WIPI1: variants seen among roughly 807,000 people sequenced by gnomAD.
WIPI1 encodes the protein WD repeat domain, phosphoinositide interacting 1.
WIPI1 carries 45 observed loss-of-function variants against 55.3 expected under a neutral mutation model. That is an observed-to-expected ratio of 0.81 (90% CI 0.64 to 1.04). The LOEUF is 1.04. Among genes scored for constraint, WIPI1 ranks in the 50% least tolerant of loss-of-function variants. WIPI1 has a pLI of 0.00. For missense variants in WIPI1, 445 were observed against 559.0 expected (o/e 0.80, Z 2.06); for synonymous variants, 195 against 217.6 (o/e 0.90, Z 0.92).
Position 68,430,010 on chromosome 17 carries a change from G to A in WIPI1, c.951C>T (p.Ile317=). ...ATTGTACGTACGTTGAGAGGGTACA[G>A]ATGTTCCTCTGTCCGGAGAAGTTCA... The part of the protein sequence containing the change: ...ARLNFSGQRN[I]CTLSTIQKLP... Residue 317 remains isoleucine (I), a synonymous_variant, in exon 9 of 13, where the codon ATC becomes ATT. Transcript: ENST00000262139. The A allele has an allele frequency of 6.2e-7, 1 of 1,614,210 alleles. No individual in the cohort carries two copies. Among genetic ancestry groups the A allele is most frequent in the Non-Finnish European group, 8.5e-7 (1 of 1,180,036 alleles).
At chr17:68,431,096 G>A (rs983254054) in intron 8 of WIPI1, among the ~76,000 whole-genome samples, 14 of 152,138 alleles carry the variant, frequency 9.2e-5, no homozygotes, top group South Asian at 2.1e-4. Context: ...CCTGTGCTCC[G>A]GGCTGGGGTT....
At chr17:68,437,928 C>T (rs558378823) in intron 4 of WIPI1, among the ~76,000 whole-genome samples, 10 of 109,542 alleles carry the variant, frequency 9.1e-5, no homozygotes, top group African/African-American at 2.8e-4. Flanking sequence ...TTTGAGATCA[C>T]GCAAGAGAGA....
Position 68,426,081 on chromosome 17 carries a change from A to G in WIPI1, c.1287T>C (p.Phe429=), listed in dbSNP as rs929104579. The change falls in exon 12 of 13, where the codon TTT becomes TTC. Residue 429 remains phenylalanine, a synonymous_variant. Coordinates refer to ENST00000262139, the MANE Select transcript of WIPI1 (RefSeq NM_017983.7). ...GPVCLDDENE[F]PPIILCRGNQ... ...ACGGGTTCCTAATGCTCACAGGAGG[A>G]AACTCATTCTCATCATCAAGACACA... is the stretch of plus-strand genomic sequence containing the variant. The G allele has an allele frequency of 6.2e-7, 1 of 1,612,678 alleles. No individual in the cohort carries two copies. Among genetic ancestry groups the G allele is most frequent in the African/African-American group, 1.3e-5 (1 of 74,878 alleles).
chr17:68,434,775 G>T, intron 6 of WIPI1, 149 bp from the exon 7 acceptor site: 1 of 743,000 alleles, frequency 1.3e-6, no homozygotes, highest in Non-Finnish European at 2.2e-6. Flanking sequence ...GTTTATTTAT[G>T]TGCCATATCA....
At chr17:68,438,475 C>T (rs910199960) in intron 4 of WIPI1, among the ~76,000 whole-genome samples, 1 of 152,174 alleles carries the variant, frequency 6.6e-6, no homozygotes, top group Non-Finnish European at 1.5e-5. Flanking sequence ...GTGCTGGGTT[C>T]CCAAAGAGGC....
chr17:68,446,306 G>A (rs567856168), intron 3 of WIPI1, among the ~76,000 whole-genome samples: 5 of 151,906 alleles, frequency 3.3e-5, no homozygotes, highest in African/African-American at 4.8e-5. Flanking sequence ...CCAGCCTCTC[G>A]GGTGGCAGGG....
At chr17:68,429,069 G>A (rs958448247) in intron 9 of WIPI1, 133 bp from the exon 10 acceptor site, 10 of 658,210 alleles carry the variant, frequency 1.5e-5, no homozygotes, top group Admixed American at 1.2e-4. Flanking sequence ...CACTGATCTG[G>A]TCTGGGCTTC....
At chr17:68,450,109 G>A (rs929710343) in intron 3 of WIPI1, among the ~76,000 whole-genome samples, 3 of 152,108 alleles carry the variant, frequency 2.0e-5, no homozygotes, top group South Asian at 4.1e-4. Context: ...TATTTTAAAA[G>A]AGAACATATT....
chr17:68,426,254 G>GGGGGGGGGGCCCCCCCCCCCC, intron 11 of WIPI1, 79 bp from the exon 12 acceptor site: 1 of 816,914 alleles, frequency 1.2e-6, no homozygotes, highest in Non-Finnish European at 1.9e-6. Context: ...GGGAGCGGGG[G>GGGGGGGGGGCCCCCCCCCCCC]CTCAAATAAA....
intron 4 of WIPI1, among the ~76,000 whole-genome samples, chr17:68,437,987 A>G (rs2083901511): frequency 6.8e-6 from 1 of 146,456 alleles, no homozygotes; most frequent in Non-Finnish European, 1.5e-5. Context: ...ACTGGCGTCT[A>G]TTACAAGTTA....
intron 8 of WIPI1, among the ~76,000 whole-genome samples, chr17:68,430,843 C>T (rs1192953961): frequency 6.6e-6 from 1 of 152,188 alleles, no homozygotes; most frequent in Non-Finnish European, 1.5e-5. Context: ...CATATGAGTT[C>T]CCAGGAGCAG....
In WIPI1 at chr17:68,430,673, T is replaced by TAC. The variant is rs1568629272; in HGVS notation, c.801-514_801-513insGT. ...GAGTCACCCAGGTACCCAGCATGTG[T>TAC]AATGATGGAGATCATGCAAAGGGAC... On this transcript the variant is annotated intron_variant, in intron 8 of 12. Transcript: ENST00000262139. Among the ~76,000 whole-genome samples the TAC allele has an allele frequency of 1.5e-3, 224 of 152,292 alleles. 1 individual carries two copies. Among genetic ancestry groups the TAC allele is most frequent in the African/African-American group, 5.2e-3 (218 of 41,566 alleles).
intron 8 of WIPI1, among the ~76,000 whole-genome samples, chr17:68,431,334 G>T (rs1431122215): frequency 1.3e-5 from 2 of 152,084 alleles, no homozygotes; most frequent in African/African-American, 4.8e-5. Context: ...TCCCTGACAG[G>T]GTTGCTGGGA....
chr17:68,453,057 T>TCTATTTGC, intron 1 of WIPI1, 65 bp from the exon 2 acceptor site: 8 of 1,370,564 alleles, frequency 5.8e-6, no homozygotes, highest in Non-Finnish European at 8.3e-6. Context: ...TGTCTGCAAA[T>TCTATTTGC]AGATGCCTTT....
At chr17:68,429,365 A>ACTT (rs1234162250) in intron 9 of WIPI1, among the ~76,000 whole-genome samples, 1 of 152,136 alleles carries the variant, frequency 6.6e-6, no homozygotes, top group Non-Finnish European at 1.5e-5. Context: ...ACTCCTTTAA[A>ACTT]CTTCTTAAAA....
chr17:68,442,738 A>AG (rs2084132680), intron 4 of WIPI1, among the ~76,000 whole-genome samples: 1 of 152,158 alleles, frequency 6.6e-6, no homozygotes, highest in Non-Finnish European at 1.5e-5. Flanking sequence ...TCCTGATCAG[A>AG]AGAGCACATG....
Position 68,423,482 on chromosome 17 carries a change from CAG to C in WIPI1, c.1294-1664_1294-1663del, listed in dbSNP as rs1200731927. Among the ~76,000 whole-genome samples the C allele has an allele frequency of 6.6e-6, 1 of 152,214 alleles. No individual in the cohort carries two copies. The highest frequency in any genetic ancestry group is 1.5e-5 in the Non-Finnish European group (1 of 68,038). On this transcript the variant is annotated intron_variant, in intron 12 of 12. Coordinates refer to ENST00000262139, the MANE Select transcript of WIPI1 (RefSeq NM_017983.7). The surrounding 1 kb of genome is among the most constrained non-coding windows in gnomAD (Gnocchi z 4.4). ...GGCTGCCACGACACAGCCCTGCACA[CAG>C]GGGCTGCTTGACACTCACAAGGGTC...
At chr17:68,446,106 G>A (rs2084273566) in intron 3 of WIPI1, among the ~76,000 whole-genome samples, 1 of 152,088 alleles carries the variant, frequency 6.6e-6, no homozygotes, top group Non-Finnish European at 1.5e-5. Context: ...TATTCCCCAA[G>A]GAAGACTATC....
chr17:68,429,051 C>G, intron 9 of WIPI1, 115 bp from the exon 10 acceptor site: 3 of 736,004 alleles, frequency 4.1e-6, no homozygotes, highest in Non-Finnish European at 7.0e-6. Flanking sequence ...TTTGACAAAC[C>G]CTTAGCCCAC....
Sources: allele counts gnomAD v4.1 joint callset (sites outside exome capture counted in the v4.1 genomes callset), GRCh38; gene constraint gnomAD v4.1.1; non-coding constraint Gnocchi (gnomAD v3.1); transcripts MANE v1.5; gene names NCBI Gene and HGNC (gene_info 2026-07-23, HGNC 2026-07-21).